Variants in TMC7 observed in about 807,000 individuals in gnomAD.
TMC7 encodes transmembrane channel-like protein 7.
In TMC7, 54 loss-of-function variants were observed where a neutral mutation model predicts 82.9. That is an observed-to-expected ratio of 0.65 (90% CI 0.52 to 0.82). TMC7 has a LOEUF of 0.82. Among genes scored for constraint, TMC7 ranks in the 40% least tolerant of loss-of-function variants. The probability of loss-of-function intolerance (pLI) is 0.00; values close to 1 mark genes in which losing one functional copy is unlikely to be tolerated. For missense variants in TMC7, 820 were observed against 901.2 expected (o/e 0.91, Z 1.15); for synonymous variants, 350 against 337.9 (o/e 1.04, Z -0.39).
At chr16:18,996,674 C>T (rs756883030) in intron 1 of TMC7, among the ~76,000 whole-genome samples, 10 of 152,112 alleles carry the variant, frequency 6.6e-5, no homozygotes, top group Non-Finnish European at 1.0e-4. Context: ...TAGTGAAGGA[C>T]GTTAGTTTAA....
chr16:19,056,568 C>G lies in TMC7; in HGVS notation c.1898C>G (p.Pro633Arg). 6.2e-7 allele frequency: 1 copy of G among 1,614,018 alleles called. No homozygotes were observed. The highest frequency in any genetic ancestry group is 8.5e-7 in the Non-Finnish European group (1 of 1,179,974). ...SRIPSSKACG[P>R]FTNFNTTWEV... is the part of the protein sequence containing the mutation. ...ATCCCTTCCTCGAAAGCCTGTGGGC[C>G]GTTCACCAACTTCAACACCACCTGG... Residue 633 changes from proline (P) to arginine (R), a missense_variant, in exon 14 of 16, where the codon CCG becomes CGG. Pro to Arg is a moderately radical substitution (Grantham distance 103, BLOSUM62 -2). Around this residue, in one of 2 missense-constraint regions of TMC7, gnomAD observed 170 missense variants for 231.3 expected, o/e 0.74. Coordinates refer to ENST00000304381, the MANE Select transcript of TMC7 (RefSeq NM_024847.4).
At chr16:18,991,031 GTGTC>G (rs2038941739) in intron 1 of TMC7, among the ~76,000 whole-genome samples, 1 of 152,160 alleles carries the variant, frequency 6.6e-6, no homozygotes. Context: ...TAGTGGTAAA[GTGTC>G]TGGGCAGTGA....
chr16:19,044,415 A>G (rs1961165443), intron 9 of TMC7, among the ~76,000 whole-genome samples: 1 of 151,398 alleles, frequency 6.6e-6, no homozygotes, highest in Non-Finnish European at 1.5e-5. Context: ...GTTGTTCTCA[A>G]ACTTAAGGGC....
intron 1 of TMC7, 66 bp downstream of exon 1, chr16:18,984,196 G>A: frequency 5.0e-6 from 7 of 1,412,960 alleles, no homozygotes; most frequent in Non-Finnish European, 5.5e-6. Flanking sequence ...GGAGGGAGCC[G>A]GGTGCTGGAG....
intron 13 of TMC7, among the ~76,000 whole-genome samples, chr16:19,052,964 C>T (rs900460062): frequency 6.6e-6 from 1 of 152,190 alleles, no homozygotes; most frequent in Non-Finnish European, 1.5e-5. Flanking sequence ...CCACCCATGT[C>T]GGCCTCCCAA....
At chr16:19,057,886 A>G (rs906918244) in intron 14 of TMC7, among the ~76,000 whole-genome samples, 3 of 151,664 alleles carry the variant, frequency 2.0e-5, no homozygotes, top group African/African-American at 7.3e-5. Context: ...CCCAAATATA[A>G]TAACTTTAAC....
intron 3 of TMC7, among the ~76,000 whole-genome samples, chr16:19,020,758 G>A (rs1295857214): frequency 3.3e-5 from 5 of 151,686 alleles, no homozygotes; most frequent in South Asian, 2.1e-4. Flanking sequence ...AGGCTAAGGC[G>A]TGAGAATTCC....
intron 1 of TMC7, among the ~76,000 whole-genome samples, chr16:18,992,093 A>G (rs963292596): frequency 4.6e-5 from 7 of 152,222 alleles, no homozygotes; most frequent in African/African-American, 1.7e-4. Context: ...ATGATTTATA[A>G]TCCTTTGGGT....
At chr16:18,987,421 C>T (rs925724884) in intron 1 of TMC7, among the ~76,000 whole-genome samples, 15 of 152,112 alleles carry the variant, frequency 9.9e-5, no homozygotes, top group Non-Finnish European at 1.5e-4. Flanking sequence ...AGCGATTCTC[C>T]TGCCTTAGCC....
chr16:19,034,365 G>A (rs541264251), intron 6 of TMC7, among the ~76,000 whole-genome samples: 24 of 152,152 alleles, frequency 1.6e-4, no homozygotes, highest in African/African-American at 3.9e-4. Context: ...TTGAGAGGCC[G>A]AGGCGGATGG....
chr16:19,005,479 C>T (rs1055648968), intron 1 of TMC7, among the ~76,000 whole-genome samples: 7 of 152,214 alleles, frequency 4.6e-5, no homozygotes, highest in African/African-American at 1.7e-4. Context: ...GCAACTCCTT[C>T]CTCACCATCA....
chr16:19,011,342 G>A (rs377632166), intron 2 of TMC7, among the ~76,000 whole-genome samples: 1 of 151,808 alleles, frequency 6.6e-6, no homozygotes, highest in East Asian at 1.9e-4. Flanking sequence ...CTTAACTCTC[G>A]AATTACTGCC....
At chr16:18,984,999 C>A (rs369760511) in intron 1 of TMC7, among the ~76,000 whole-genome samples, 2 of 152,138 alleles carry the variant, frequency 1.3e-5, no homozygotes, top group East Asian at 3.9e-4. Context: ...TGGTGGCTCA[C>A]GCCTGTAATC....
chr16:18,999,819 A>G (rs1427269601), intron 1 of TMC7, among the ~76,000 whole-genome samples: 2 of 152,056 alleles, frequency 1.3e-5, no homozygotes, highest in African/African-American at 2.4e-5. Context: ...GCTGGAGTGC[A>G]GTGGCGCGAT....
chr16:19,057,971 G>T (rs1024656683), intron 14 of TMC7, among the ~76,000 whole-genome samples: 3 of 149,018 alleles, frequency 2.0e-5, no homozygotes, highest in Non-Finnish European at 4.4e-5. Context: ...TTAGGAGACA[G>T]TGTCTTGCTA....
chr16:19,045,022 G>C (rs182552718), intron 10 of TMC7, 21 bp downstream of exon 10: 1 of 1,565,794 alleles, frequency 6.4e-7, no homozygotes, highest in South Asian at 1.1e-5. Context: ...GGGCGGGGGC[G>C]TTCGGCTGGG....
Position 19,009,426 on chromosome 16 carries a change from T to C in TMC7, c.311+11T>C, listed in dbSNP as rs535331464. The C allele has an allele frequency of 6.2e-7, 1 of 1,607,190 alleles. No individual in the cohort carries two copies. The highest frequency in any genetic ancestry group is 1.3e-5 in the African/African-American group (1 of 74,882). The stretch of plus-strand genomic sequence containing the variant: ...GAAGCGGAGACTAAGGTTTGTTCAC[T>C]AGCCACCTGGAACCTGCATTGTGTA... On this transcript the variant is annotated intron_variant, in intron 2 of 15. Coordinates refer to ENST00000304381, the MANE Select transcript of TMC7 (RefSeq NM_024847.4).
chr16:19,037,267 A>C (rs1960789695), intron 7 of TMC7, among the ~76,000 whole-genome samples: 1 of 151,420 alleles, frequency 6.6e-6, no homozygotes, highest in East Asian at 1.9e-4. Flanking sequence ...GCATGCCTGT[A>C]ATCCTAGCTT....
chr16:19,062,689 C>G lies in TMC7; in HGVS notation c.*846C>G, dbSNP rs1962057389. 1 of 152,540 alleles carries G rather than the reference C, an allele frequency of 6.6e-6. No homozygotes were observed. Among genetic ancestry groups the G allele is most frequent in the African/African-American group, 2.4e-5 (1 of 41,422 alleles). The allele number at this position is 152,540 out of a possible 1,614,324, so 9.4% of individuals were successfully genotyped here. A position where few individuals can be genotyped will look rare whatever the true frequency, so the allele number is the denominator to read the frequency against. ...TGGTAAAAACCATATGCAATAAATA[C>G]CTCATTGTAAGCTTACCCAAAATTG... is the stretch of plus-strand genomic sequence containing the variant. On this transcript the variant is annotated 3_prime_UTR_variant, in exon 16 of 16. Coordinates refer to ENST00000304381, the MANE Select transcript of TMC7 (RefSeq NM_024847.4).
Sources: gnomAD v4.1 joint callset for allele counts (sites outside exome capture counted in the v4.1 genomes callset) on GRCh38, gnomAD v4.1.1 for gene constraint, gnomAD v4.1.1 regional missense constraint, MANE v1.5 for transcripts, NCBI Gene and HGNC (gene_info 2026-07-23, HGNC 2026-07-21) for gene names.